IFT88: variants seen among roughly 807,000 people sequenced by gnomAD.
IFT88 encodes the protein intraflagellar transport protein 88 homolog.
A neutral mutation model predicts 119.5 loss-of-function variants in IFT88; 74 were observed. That is an observed-to-expected ratio of 0.62 (90% confidence interval 0.51 to 0.75). The LOEUF (loss-of-function observed/expected upper bound fraction) is 0.75. Among genes scored for constraint, IFT88 ranks in the 30% least tolerant of loss-of-function variants. IFT88 has a pLI of 0.00. For missense variants in IFT88, 961 were observed against 977.7 expected (o/e 0.98, Z 0.23); for synonymous variants, 279 against 316.7 (o/e 0.88, Z 1.26).
intron 24 of IFT88, among the ~76,000 whole-genome samples, chr13:20,688,532 G>A (rs1170032285): frequency 6.6e-6 from 1 of 152,174 alleles, no homozygotes; most frequent in Non-Finnish European, 1.5e-5. Context: ...ATTTAAAGTG[G>A]ACTTCAGTTG....
intron 1 of IFT88, among the ~76,000 whole-genome samples, chr13:20,572,489 A>T (rs2036571386): frequency 6.6e-6 from 1 of 152,034 alleles, no homozygotes. Flanking sequence ...AAAGTCCTGA[A>T]ATTACAGGCA....
rs187995773 is a variant in IFT88, at chr13:20,641,497, G to T, written c.1682+99G>T. ...GTTTAACTAATGAAGTAATTGATGAGGATAATATTTGAAGTAAGTGATGAG... is the reference window on the plus strand; with the variant it reads ...GTTTAACTAATGAAGTAATTGATGATGATAATATTTGAAGTAAGTGATGAG... On this transcript the variant is annotated intron_variant, in intron 18 of 25. Coordinates refer to ENST00000351808, the MANE Select transcript of IFT88 (RefSeq NM_006531.5). 4.0e-3 allele frequency: 2,686 copies of T among 672,996 alleles called. 8 individuals are homozygous for T. The highest frequency in any genetic ancestry group is 5.7e-3 in the Non-Finnish European group (2,213 of 390,910). 41.7% of individuals were successfully genotyped at this position (672,996 alleles called of 1,614,324 possible).
intron 23 of IFT88, among the ~76,000 whole-genome samples, chr13:20,664,905 C>CT (rs1179689274): frequency 1.3e-5 from 2 of 152,196 alleles, no homozygotes; most frequent in Non-Finnish European, 2.9e-5. Flanking sequence ...CACTGAAACT[C>CT]TGTCTCTACT....
chr13:20,573,750 G>A (rs925163251), intron 1 of IFT88, among the ~76,000 whole-genome samples: 9 of 152,190 alleles, frequency 5.9e-5, no homozygotes, highest in African/African-American at 1.9e-4. Flanking sequence ...TGATGGGTAT[G>A]TGGTGGCTTC....
In IFT88 at chr13:20,641,126, A is replaced by G. The variant is rs193224706; in HGVS notation, c.1574-164A>G. 4.5e-4 allele frequency among the ~76,000 whole-genome samples: 69 copies of G among 152,308 alleles called. 1 individual carries two copies. Among genetic ancestry groups the G allele is most frequent in the African/African-American group, 1.6e-3 (68 of 41,572 alleles). The stretch of plus-strand genomic sequence containing the variant: ...TGTGCCACTACACTCCAGTGTGGGC[A>G]GCAGGAGTGAGACCCTGTATCAAAA... On this transcript the variant is annotated intron_variant, in intron 17 of 25. Transcript: ENST00000351808.
Position 20,690,711 on chromosome 13 carries a change from G to C in IFT88, c.2249G>C (p.Gly750Ala). 1 of 1,607,928 alleles carries C rather than the reference G, an allele frequency of 6.2e-7. No individual in the cohort carries two copies. Among genetic ancestry groups the C allele is most frequent in the South Asian group, 1.1e-5 (1 of 90,926 alleles). Residue 750 changes from glycine (G) to alanine (A), a missense_variant, in exon 25 of 26, where the codon GGC becomes GCC. Coordinates refer to ENST00000351808, the MANE Select transcript of IFT88 (RefSeq NM_006531.5). ...KREGSASGDS[G>A]QNYSASSKGE... ...TTTATTTTCGTGTTTTCAGATAGTG[G>C]CCAGAACTATAGTGCCAGTAGTAAA... is the stretch of plus-strand genomic sequence containing the variant.
At chr13:20,674,720 A>G (rs1484794065) in intron 24 of IFT88, among the ~76,000 whole-genome samples, 1 of 28,420 alleles carries the variant, frequency 3.5e-5, no homozygotes, top group African/African-American at 1.5e-4. Context: ...ATATATATAT[A>G]TATATTTTTT....
intron 1 of IFT88, 35 bp downstream of exon 1, chr13:20,567,291 G>T (rs1287269576): frequency 6.6e-6 from 1 of 152,248 alleles, no homozygotes; most frequent in Non-Finnish European, 1.5e-5. Flanking sequence ...GTGCCTCAGG[G>T]CCCCTGGCAG....
chr13:20,653,842 A>G (rs1322223848), intron 20 of IFT88, 34 bp from the exon 21 acceptor site: 537 of 920,482 alleles, frequency 5.8e-4, no homozygotes, highest in Non-Finnish European at 8.2e-4. Context: ...AGATTTTTTT[A>G]TCTCTAATTT....
intron 2 of IFT88, among the ~76,000 whole-genome samples, chr13:20,581,685 C>T (rs1481807363): frequency 8.4e-6 from 1 of 118,438 alleles, no homozygotes; most frequent in African/African-American, 2.7e-5. Flanking sequence ...AAAATCCTGT[C>T]TCTAAAAAAA....
At chr13:20,662,736 T>A (rs2054021877) in intron 22 of IFT88, among the ~76,000 whole-genome samples, 1 of 146,764 alleles carries the variant, frequency 6.8e-6, no homozygotes, top group Non-Finnish European at 1.5e-5. Context: ...AAAGACAAAA[T>A]TATTGTGTTT....
intron 23 of IFT88, among the ~76,000 whole-genome samples, chr13:20,666,689 G>A (rs561892590): frequency 1.3e-5 from 2 of 151,954 alleles, no homozygotes; most frequent in South Asian, 4.2e-4. Context: ...TTCCAGAGTG[G>A]GAATGACATA....
intron 20 of IFT88, 34 bp downstream of exon 20, chr13:20,644,992 T>C (rs754432079): frequency 3.0e-6 from 3 of 1,001,682 alleles, no homozygotes; most frequent in South Asian, 1.5e-5. Context: ...GTTTAGTTAA[T>C]GTCATGTCTT....
intron 17 of IFT88, among the ~76,000 whole-genome samples, chr13:20,640,292 G>A (rs73433339): frequency 2.6e-3 from 400 of 151,688 alleles, no homozygotes; most frequent in African/African-American, 8.8e-3. Context: ...AAAATTAATG[G>A]CCAGGTGTGG....
intron 7 of IFT88, among the ~76,000 whole-genome samples, chr13:20,595,547 C>T (rs1392996993): frequency 6.6e-6 from 1 of 152,100 alleles, no homozygotes; most frequent in African/African-American, 2.4e-5. Flanking sequence ...GCCTCAGCCT[C>T]CCAAAGTGCT....
chr13:20,598,817 T>C (rs1160566987), intron 10 of IFT88, 64 bp downstream of exon 10: 2 of 941,710 alleles, frequency 2.1e-6, no homozygotes, highest in Non-Finnish European at 3.4e-6. Flanking sequence ...TTTATGTCTC[T>C]TCATTTTATG....
chr13:20,678,896 A>C (rs547684080), intron 24 of IFT88, among the ~76,000 whole-genome samples: 1 of 152,086 alleles, frequency 6.6e-6, no homozygotes, highest in Non-Finnish European at 1.5e-5. Flanking sequence ...TAAAAGCACA[A>C]TCATCATTGA....
rs1185952007 is a variant in IFT88 at position 20,644,828 on chromosome 13, A to G, written c.1834-15A>G. On this transcript the variant is annotated splice_polypyrimidine_tract_variant and intron_variant, in intron 19 of 25. Coordinates refer to ENST00000351808, the MANE Select transcript of IFT88 (RefSeq NM_006531.5). ...CATTGAAGTTGTATTGTTACATTCCATATTTGTTTTACAGTCATATAGGTA... is the reference window on the plus strand; with the variant it reads ...CATTGAAGTTGTATTGTTACATTCCGTATTTGTTTTACAGTCATATAGGTA... The G allele has an allele frequency of 2.7e-6, 3 of 1,101,422 alleles. No individual in the cohort carries two copies. In the African/African-American group the frequency reaches 4.7e-5, roughly 17 times the overall value. 68.2% of individuals were successfully genotyped at this position (1,101,422 alleles called of 1,614,324 possible).
chr13:20,584,156 T>TA (rs10661539), intron 3 of IFT88, among the ~76,000 whole-genome samples: 1,994 of 148,920 alleles, frequency 0.013, 30 homozygotes, highest in African/African-American at 0.037. Context: ...TCTATTTCTG[T>TA]AAAAAAAAAA....
Sources: allele counts gnomAD v4.1 joint callset (sites outside exome capture counted in the v4.1 genomes callset), GRCh38; gene constraint gnomAD v4.1.1; transcripts MANE v1.5; gene names NCBI Gene and HGNC (gene_info 2026-07-23, HGNC 2026-07-21).